NKAIN1: variants seen among roughly 807,000 people sequenced by gnomAD.
NKAIN1 encodes sodium/potassium-transporting ATPase subunit beta-1-interacting protein 1.
In NKAIN1, 13 loss-of-function variants were observed where a neutral mutation model predicts 31.6. The ratio of observed to expected loss-of-function variants is 0.41; its 90% CI spans 0.27 to 0.65. The LOEUF (loss-of-function observed/expected upper bound fraction) is 0.65. Among genes scored for constraint, NKAIN1 ranks in the 30% least tolerant of loss-of-function variants. The probability of loss-of-function intolerance (pLI) is 0.30; values close to 1 mark genes in which losing one functional copy is unlikely to be tolerated. For missense variants in NKAIN1, 193 were observed against 262.2 expected, an observed-to-expected ratio of 0.74 and a Z score of 1.82; for synonymous variants, 104 against 109.0, an observed-to-expected ratio of 0.95 and a Z score of 0.28.
intron 1 of NKAIN1, among the ~76,000 whole-genome samples, chr1:31,197,066 C>A (rs978288438): frequency 2.0e-5 from 3 of 150,776 alleles, no homozygotes; most frequent in African/African-American, 7.3e-5. Flanking sequence ...CTCCCTCCTT[C>A]CTTTATTTTT....
chr1:31,214,407 C>T (rs1247653293), intron 1 of NKAIN1, among the ~76,000 whole-genome samples: 1 of 148,036 alleles, frequency 6.8e-6, no homozygotes, highest in Non-Finnish European at 1.5e-5. Context: ...CTGAATTGTA[C>T]ACTTTAAAAT....
intron 1 of NKAIN1, among the ~76,000 whole-genome samples, chr1:31,208,919 A>G (rs116642409): frequency 0.013 from 2,029 of 152,174 alleles, 35 homozygotes; most frequent in South Asian, 0.072. Context: ...TCATCTGTAA[A>G]CTGGGCAATA....
At chr1:31,197,625 C>G (rs1373075944) in intron 1 of NKAIN1, among the ~76,000 whole-genome samples, 3 of 147,540 alleles carry the variant, frequency 2.0e-5, no homozygotes, top group African/African-American at 7.6e-5. Context: ...CGGCTTGCTG[C>G]AACCTCTATC....
chr1:31,205,542 C>T (rs1219210477), intron 1 of NKAIN1, among the ~76,000 whole-genome samples: 1 of 151,058 alleles, frequency 6.6e-6, no homozygotes, highest in Non-Finnish European at 1.5e-5. Flanking sequence ...CTGCTGACCT[C>T]GTGATCTGCC....
At chr1:31,227,892 G>T (rs1370507601) in intron 1 of NKAIN1, among the ~76,000 whole-genome samples, 1 of 152,200 alleles carries the variant, frequency 6.6e-6, no homozygotes, top group Non-Finnish European at 1.5e-5. Context: ...AACCAGTGGG[G>T]TGTGTCAGAG....
intron 1 of NKAIN1, among the ~76,000 whole-genome samples, chr1:31,236,680 G>A (rs1645694767): frequency 6.6e-6 from 1 of 152,162 alleles, no homozygotes; most frequent in Non-Finnish European, 1.5e-5. Flanking sequence ...GCTGCCCAAA[G>A]CCACCCAGCC....
At chr1:31,218,080 TG>T (rs1473734242) in intron 1 of NKAIN1, among the ~76,000 whole-genome samples, 1 of 84,508 alleles carries the variant, frequency 1.2e-5, no homozygotes, top group African/African-American at 3.7e-5. Context: ...TTTTTTTTTT[TG>T]AGATGGAGTC....
At chr1:31,225,033 C>T (rs6425718) in intron 1 of NKAIN1, among the ~76,000 whole-genome samples, 24 of 112,126 alleles carry the variant, frequency 2.1e-4, no homozygotes, top group South Asian at 3.0e-4. Context: ...CTTTTCTTTT[C>T]TTTTTTTTTT....
intron 1 of NKAIN1, among the ~76,000 whole-genome samples, chr1:31,188,712 C>T (rs957185333): frequency 6.6e-6 from 1 of 152,226 alleles, no homozygotes; most frequent in African/African-American, 2.4e-5. Flanking sequence ...TAGTGCCCTT[C>T]CACACTAATG....
At chr1:31,235,855 T>G (rs1645689272) in intron 1 of NKAIN1, among the ~76,000 whole-genome samples, 1 of 152,166 alleles carries the variant, frequency 6.6e-6, no homozygotes, top group South Asian at 2.1e-4. Flanking sequence ...CTCAGCTCAG[T>G]GCCCAACTAC....
chr1:31,190,620 C>T (rs770139940), intron 1 of NKAIN1, among the ~76,000 whole-genome samples: 9 of 152,290 alleles, frequency 5.9e-5, no homozygotes, highest in Non-Finnish European at 1.2e-4. Flanking sequence ...TGACTTTGGG[C>T]AGCCCACTTT....
At chr1:31,205,148 T>C (rs2148356932) in intron 1 of NKAIN1, among the ~76,000 whole-genome samples, 1 of 152,288 alleles carries the variant, frequency 6.6e-6, no homozygotes, top group Middle Eastern at 3.4e-3. Context: ...AGCAATTTTT[T>C]TTTTGTTTGA....
intron 1 of NKAIN1, among the ~76,000 whole-genome samples, chr1:31,209,253 T>C (rs1411460644): frequency 6.6e-6 from 1 of 152,176 alleles, no homozygotes; most frequent in Non-Finnish European, 1.5e-5. Context: ...TGGGCACCTG[T>C]AGTCCCAGCT....
At chr1:31,183,143 T>C (rs1019618711) in intron 4 of NKAIN1, among the ~76,000 whole-genome samples, 1 of 152,070 alleles carries the variant, frequency 6.6e-6, no homozygotes, top group Non-Finnish European at 1.5e-5. Context: ...GCATGAGGCA[T>C]CACGCCCACT....
intron 1 of NKAIN1, among the ~76,000 whole-genome samples, chr1:31,220,961 C>T (rs7514507): frequency 0.99 from 151,063 of 152,102 alleles, 75,021 homozygotes; most frequent in Middle Eastern, 1. Context: ...GCTCCCAGTC[C>T]AGGGAGAGGG....
At chr1:31,200,512 C>T (rs1386295372) in intron 1 of NKAIN1, among the ~76,000 whole-genome samples, 1 of 138,686 alleles carries the variant, frequency 7.2e-6, no homozygotes, top group Admixed American at 8.0e-5. Flanking sequence ...TGCTGGAGTG[C>T]AGTGGCATGA....
chr1:31,185,931 A>T (rs1011620451), intron 2 of NKAIN1, among the ~76,000 whole-genome samples: 3 of 152,096 alleles, frequency 2.0e-5, no homozygotes, highest in Non-Finnish European at 2.9e-5. Context: ...GAACCCATTA[A>T]GACTATAGGA....
At chr1:31,220,007 T>TC (rs1645550082) in intron 1 of NKAIN1, among the ~76,000 whole-genome samples, 1 of 76,802 alleles carries the variant, frequency 1.3e-5, no homozygotes, top group African/African-American at 1.2e-4. Flanking sequence ...ACTCAGATTT[T>TC]TTTTTTTTTT....
chr1:31,205,212 C>A (rs895580378), intron 1 of NKAIN1, among the ~76,000 whole-genome samples: 1 of 152,034 alleles, frequency 6.6e-6, no homozygotes, highest in African/African-American at 2.4e-5. Context: ...CTCACTGCAA[C>A]CTCTGTCTCC....
Sources: gnomAD v4.1 joint callset for allele counts (sites outside exome capture counted in the v4.1 genomes callset) on GRCh38, gnomAD v4.1.1 for gene constraint, MANE v1.5 for transcripts, NCBI Gene and HGNC (gene_info 2026-07-23, HGNC 2026-07-21) for gene names.